The following TRIM55 variants were observed in gnomAD, a reference collection of about 807,000 sequenced individuals.
TRIM55 encodes tripartite motif containing 55.
TRIM55 carries 50 observed loss-of-function variants against 60.9 expected under a neutral mutation model. The ratio of observed to expected loss-of-function variants is 0.82; its 90% CI spans 0.65 to 1.04. TRIM55 has a LOEUF of 1.04. Among genes scored for constraint, TRIM55 ranks in the 50% least tolerant of loss-of-function variants. The pLI is 0.00. For synonymous variants in TRIM55, 237 were observed against 238.1 expected, an observed-to-expected ratio of 1.00 and a Z score of 0.04; for missense variants, 681 against 666.9, an observed-to-expected ratio of 1.02 and a Z score of -0.23.
At chr8:66,117,624 A>G in the TRIM55 span, among the ~76,000 whole-genome samples, 7 of 151,988 alleles carry the variant, frequency 4.6e-5, no homozygotes, top group African/African-American at 1.2e-4. Flanking sequence ...GTGACCATTA[A>G]TAGGTTTTAA....
chr8:66,131,129 T>A (rs1441432753), intron 2 of TRIM55, among the ~76,000 whole-genome samples: 2 of 152,190 alleles, frequency 1.3e-5, no homozygotes, highest in Admixed American at 1.3e-4. Context: ...TGCCAGACAC[T>A]GTTCAGGGTG....
At chr8:66,141,195 A>G (rs746688523) in intron 4 of TRIM55, among the ~76,000 whole-genome samples, 11 of 152,174 alleles carry the variant, frequency 7.2e-5, no homozygotes, top group Non-Finnish European at 1.3e-4. Flanking sequence ...CATTAACATG[A>G]ATTTACTGTG....
intron 9 of TRIM55, among the ~76,000 whole-genome samples, chr8:66,169,398 T>A (rs1463954832): frequency 6.6e-6 from 1 of 152,222 alleles, no homozygotes; most frequent in Non-Finnish European, 1.5e-5. Context: ...ACTGTCAAGA[T>A]TCTTGCCATG....
At chr8:66,127,012 C>T (rs997709175), upstream of TRIM55, 3 of 365,020 alleles carry the variant, frequency 8.2e-6, no homozygotes, top group Non-Finnish European at 1.5e-5. Flanking sequence ...AATGTTGACT[C>T]CTGCTCTCCG....
At chr8:66,125,116 C>T (rs1164642503), upstream of TRIM55, among the ~76,000 whole-genome samples, 1 of 152,216 alleles carries the variant, frequency 6.6e-6, no homozygotes, top group Non-Finnish European at 1.5e-5. Context: ...TCTCTTTCCC[C>T]AATATCCATT....
chr8:66,152,491 C>T lies in TRIM55; in HGVS notation c.1100C>T (p.Pro367Leu). 1.2e-6 allele frequency: 2 copies of T among 1,614,056 alleles called. No individual in the cohort carries two copies. Among genetic ancestry groups the T allele is most frequent in the South Asian group, 1.1e-5 (1 of 91,068 alleles). ...GTAGAAAATGTTCAAACAGAGTTTC[C>T]AGGAGAAGATGAAAACCCAGAAAAA... Reference protein sequence around the residue: ...EEVENVQTEFPGEDENPEKAS... With the variant: ...EEVENVQTEFLGEDENPEKAS... The change falls in exon 8 of 10, where the codon CCA becomes CTA. Residue 367 changes from proline to leucine, a missense_variant. Coordinates refer to ENST00000315962, the MANE Select transcript of TRIM55 (RefSeq NM_184085.2).
chr8:66,121,867 T>C, the TRIM55 span, among the ~76,000 whole-genome samples: 2 of 152,214 alleles, frequency 1.3e-5, no homozygotes, highest in Non-Finnish European at 2.9e-5. Flanking sequence ...TCAGCTGGTT[T>C]TCATGTCCCT....
chr8:66,134,988 AG>A lies in TRIM55; in HGVS notation c.342del. On this transcript the variant is annotated splice_acceptor_variant, in intron 2 of 9. Coordinates refer to ENST00000315962, the MANE Select transcript of TRIM55 (RefSeq NM_184085.2). LOFTEE classifies it high-confidence loss of function. ...GACATTTATCTGCCTACCTCCTCCC[AG>A]GCCAGAAAAGAAATCCGACCAGCCC... 6.2e-7 allele frequency: 1 copy of A among 1,613,956 alleles called. No individual in the cohort carries two copies. Among genetic ancestry groups the A allele is most frequent in the Non-Finnish European group, 8.5e-7 (1 of 1,179,928 alleles).
the TRIM55 span, chr8:66,115,113 A>G: frequency 6.5e-6 from 1 of 154,388 alleles, no homozygotes; most frequent in African/African-American, 2.4e-5. Flanking sequence ...AGTTCTTACA[A>G]GACATAACAC....
At chr8:66,121,587 G>A in the TRIM55 span, among the ~76,000 whole-genome samples, 2 of 152,216 alleles carry the variant, frequency 1.3e-5, no homozygotes, top group Non-Finnish European at 1.5e-5. Context: ...CTTGTAACAG[G>A]TCGCTGAGTC....
intron 9 of TRIM55, among the ~76,000 whole-genome samples, chr8:66,155,168 T>G (rs1355889344): frequency 2.0e-5 from 3 of 152,240 alleles, no homozygotes; most frequent in Non-Finnish European, 4.4e-5. Context: ...TCCATGCTCC[T>G]GGGTCATCAG....
rs756337029 is a variant in TRIM55, at chr8:66,154,002, T to TC, written c.1237-44dup. 1.2e-5 allele frequency: 18 copies of TC among 1,454,910 alleles called. No individual in the cohort carries two copies. In the East Asian group the frequency reaches 4.2e-4, roughly 34 times the overall value. The allele number at this position is 1,454,910 out of a possible 1,614,324, so 90.1% of individuals were successfully genotyped here. A position where few individuals can be genotyped will look rare whatever the true frequency, so the allele number is the denominator to read the frequency against. The stretch of plus-strand genomic sequence containing the variant: ...ATCAACTGCTTTTTCTTCTTCTTCT[T>TC]CTTTTTTTTTTTCTTTACTTTTGAA... On this transcript the variant is annotated intron_variant, in intron 8 of 9. Transcript: ENST00000315962.
At chr8:66,163,331 T>G (rs1177907403) in intron 9 of TRIM55, among the ~76,000 whole-genome samples, 1 of 152,216 alleles carries the variant, frequency 6.6e-6, no homozygotes, top group Non-Finnish European at 1.5e-5. Context: ...TAATTTTCTC[T>G]TCTCTTTCTG....
At chr8:66,138,292 T>C (rs987649052) in intron 4 of TRIM55, among the ~76,000 whole-genome samples, 1 of 152,252 alleles carries the variant, frequency 6.6e-6, no homozygotes, top group African/African-American at 2.4e-5. Context: ...AAAATACGTA[T>C]TGTGTTATAT....
upstream of TRIM55, chr8:66,127,119 A>G (rs1263024238): frequency 1.2e-5 from 10 of 821,282 alleles, no homozygotes; most frequent in East Asian, 2.8e-5. Flanking sequence ...TCCAGCACCC[A>G]CTCCAAACCA....
rs776444076 is a variant in TRIM55, at chr8:66,152,554, CT to C, written c.1164del (p.Ala390HisfsTer21). ...ELSQVELQAA[P>X]GALPVSSPEP... ...TCTCAGGTGGAGCTGCAGGCTGCCCCTGGGGCACTTCCAGTTTCCTCTCCAG... is the reference window on the plus strand; with the variant it reads ...TCTCAGGTGGAGCTGCAGGCTGCCCCGGGGCACTTCCAGTTTCCTCTCCAG... On this transcript the variant is annotated frameshift_variant, in exon 8 of 10. Coordinates refer to ENST00000315962, the MANE Select transcript of TRIM55 (RefSeq NM_184085.2). LOFTEE classifies it high-confidence loss of function. The C allele has an allele frequency of 1.2e-6, 2 of 1,614,062 alleles. No homozygotes were observed. Among genetic ancestry groups the C allele is most frequent in the Non-Finnish European group, 1.7e-6 (2 of 1,180,042 alleles).
rs1808870189 is a variant in TRIM55 at position 66,127,422 on chromosome 8, A to G, written c.154A>G (p.Ser52Gly). The change falls in exon 1 of 10, where the codon AGT (serine) becomes GGT (glycine). Residue 52 changes from serine (S) to glycine (G), a missense_variant. Coordinates refer to ENST00000315962, the MANE Select transcript of TRIM55 (RefSeq NM_184085.2). ...GCACAACCTGTGTAGGAAATGTGCCAGTGATATTTTCCAGGTAGGTTTGTT... is the reference window on the plus strand; with the variant it reads ...GCACAACCTGTGTAGGAAATGTGCCGGTGATATTTTCCAGGTAGGTTTGTT... Reference protein sequence around the residue: ...CQHNLCRKCASDIFQASNPYL... With the variant: ...CQHNLCRKCAGDIFQASNPYL... 1 of 1,609,638 alleles carries G rather than the reference A, an allele frequency of 6.2e-7. No individual in the cohort carries two copies. The highest frequency in any genetic ancestry group is 1.3e-5 in the African/African-American group (1 of 74,720).
intron 1 of TRIM55, 55 bp downstream of exon 1, chr8:66,127,491 T>A (rs1277390406): frequency 1.3e-6 from 2 of 1,589,388 alleles, no homozygotes; most frequent in Non-Finnish European, 1.7e-6. Flanking sequence ...TTCCCTCCTC[T>A]TGGAATCAAG....
At chr8:66,121,758 C>T in the TRIM55 span, among the ~76,000 whole-genome samples, 1 of 152,230 alleles carries the variant, frequency 6.6e-6, no homozygotes. Context: ...GCCCTTGAAT[C>T]ACTGAATCTA....
Sources: allele counts gnomAD v4.1 joint callset (sites outside exome capture counted in the v4.1 genomes callset), GRCh38; gene constraint gnomAD v4.1.1; transcripts MANE v1.5; gene names NCBI Gene and HGNC (gene_info 2026-07-23, HGNC 2026-07-21).